RPA1: variants seen among roughly 807,000 people sequenced by gnomAD.
RPA1 encodes the protein replication protein A 70 kDa DNA-binding subunit.
In RPA1, 49 loss-of-function variants were observed where a neutral mutation model predicts 83.0. The observed-to-expected ratio is 0.59, with a 90% CI of 0.47 to 0.75. The LOEUF (loss-of-function observed/expected upper bound fraction) is 0.75. RPA1 is among the 30% of genes least tolerant of loss of function. RPA1 has a pLI of 0.00. For synonymous variants in RPA1, 279 were observed against 281.8 expected (o/e 0.99, Z 0.10); for missense variants, 693 against 776.1 (o/e 0.89, Z 1.27).
At chr17:1,890,382 G>A (rs1258903215) in intron 14 of RPA1, among the ~76,000 whole-genome samples, 1 of 150,282 alleles carries the variant, frequency 6.7e-6, no homozygotes, top group Non-Finnish European at 1.5e-5. Flanking sequence ...AAATAAATAG[G>A]CCGGGCACGG....
At chr17:1,896,115 G>A (rs1231700189) in intron 16 of RPA1, among the ~76,000 whole-genome samples, 1 of 152,182 alleles carries the variant, frequency 6.6e-6, no homozygotes, top group Non-Finnish European at 1.5e-5. Flanking sequence ...TTTTGCCACT[G>A]AAGGAATTAC....
intron 5 of RPA1, among the ~76,000 whole-genome samples, chr17:1,863,705 A>G (rs916289036): frequency 2.6e-5 from 4 of 152,218 alleles, no homozygotes; most frequent in Non-Finnish European, 5.9e-5. Flanking sequence ...TATGAAACAT[A>G]TCTTGCTTTA....
chr17:1,844,793 T>G, intron 4 of RPA1, 107 bp downstream of exon 4: 1 of 769,464 alleles, frequency 1.3e-6, no homozygotes, highest in Non-Finnish European at 2.1e-6. Flanking sequence ...AGCTTTTCAG[T>G]TAAGAACTCA....
rs373717208 is a variant in RPA1 at position 1,879,093 on chromosome 17, G to A, written c.759+32G>A. The A allele has an allele frequency of 5.6e-6, 9 of 1,613,042 alleles. No individual in the cohort carries two copies. The East Asian group carries it at 6.7e-5, about 12-fold the overall frequency. On this transcript the variant is annotated intron_variant, in intron 9 of 16. Coordinates refer to ENST00000254719, the MANE Select transcript of RPA1 (RefSeq NM_002945.5). Reference sequence around the variant, plus strand: ...CCGTGCTGACTTTAGAACTGACACCGCCTGGGGGTGGAGTGCGGATGAAAA... The same window carrying A: ...CCGTGCTGACTTTAGAACTGACACCACCTGGGGGTGGAGTGCGGATGAAAA...
intron 5 of RPA1, among the ~76,000 whole-genome samples, chr17:1,856,071 C>T (rs1912680534): frequency 6.6e-6 from 1 of 152,068 alleles, no homozygotes; most frequent in Admixed American, 6.6e-5. Context: ...CACTTGTAAT[C>T]CCAACACCTT....
intron 6 of RPA1, among the ~76,000 whole-genome samples, chr17:1,873,163 C>T (rs1037755673): frequency 6.6e-6 from 1 of 152,194 alleles, no homozygotes; most frequent in Non-Finnish European, 1.5e-5. Context: ...CTAAGTTTGG[C>T]TCATCTCTCT....
intron 4 of RPA1, among the ~76,000 whole-genome samples, chr17:1,851,239 A>G (rs1433362013): frequency 2.0e-5 from 3 of 150,546 alleles, no homozygotes; most frequent in Non-Finnish European, 4.4e-5. Flanking sequence ...TTGTATTTCC[A>G]TCTTGTTGTA....
intron 5 of RPA1, among the ~76,000 whole-genome samples, chr17:1,853,798 T>C (rs1318341741): frequency 6.6e-6 from 1 of 152,226 alleles, no homozygotes; most frequent in Non-Finnish European, 1.5e-5. Context: ...ATGAGAAACG[T>C]GTTTTCCTAA....
At chr17:1,842,644 A>G (rs1300464088) in intron 1 of RPA1, among the ~76,000 whole-genome samples, 159 bp from the exon 2 acceptor site, 1 of 152,140 alleles carries the variant, frequency 6.6e-6, no homozygotes, top group Non-Finnish European at 1.5e-5. Flanking sequence ...TCATTTTATG[A>G]TTTGTCCAGA....
At chr17:1,850,288 T>C (rs1054266345) in intron 4 of RPA1, among the ~76,000 whole-genome samples, 3 of 151,600 alleles carry the variant, frequency 2.0e-5, no homozygotes, top group Non-Finnish European at 1.5e-5. Context: ...TCCCAGCACC[T>C]TGGGAGGCCA....
chr17:1,886,361 A>G (rs1913990263), intron 13 of RPA1, among the ~76,000 whole-genome samples: 1 of 152,242 alleles, frequency 6.6e-6, no homozygotes, highest in Admixed American at 6.5e-5. Context: ...GATTTTTGAC[A>G]TGGTCAATGA....
At chr17:1,893,564 T>C (rs965344288) in intron 15 of RPA1, among the ~76,000 whole-genome samples, 1 of 152,108 alleles carries the variant, frequency 6.6e-6, no homozygotes, top group African/African-American at 2.4e-5. Context: ...TATTAATTAG[T>C]TTTTCTTTTT....
rs1913935266 is a variant in RPA1, at chr17:1,884,916, G to A, written c.1374+972G>A. Among the ~76,000 whole-genome samples, 1 of 152,234 alleles carries A rather than the reference G, an allele frequency of 6.6e-6. No individual in the cohort carries two copies. The highest frequency in any genetic ancestry group is 6.5e-5 in the Admixed American group (1 of 15,276). On this transcript the variant is annotated intron_variant, in intron 13 of 16. Transcript: ENST00000254719. This position sits in a 1 kb window ranked among gnomAD's most constrained non-coding sequence, Gnocchi z 4.1. ...TTCTTGCTGGTGGGGGTTTGTTTCA[G>A]GGTTGATGGCTGAGCAGTCACGGCG...
Position 1,897,076 on chromosome 17 carries a change from G to A in RPA1, c.1752G>A (p.Glu584=), listed in dbSNP as rs373856249. The change falls in exon 17 of 17, where the codon GAG becomes GAA. Residue 584 remains glutamate (E), a synonymous_variant. Transcript: ENST00000254719. ...CTACTTCTCCCTTTTTGAAGGACGA[G>A]TCTCGAATTAAGGCCACTGTGATGG... is the stretch of plus-strand genomic sequence containing the variant. The part of the protein sequence containing the change: ...VRVKVETYND[E]SRIKATVMDV... 4 of 1,569,314 alleles carry A rather than the reference G, an allele frequency of 2.5e-6. No individual in the cohort carries two copies. Among genetic ancestry groups the A allele is most frequent in the Non-Finnish European group, 3.5e-6 (4 of 1,156,766 alleles).
intron 5 of RPA1, among the ~76,000 whole-genome samples, chr17:1,870,124 C>A (rs547448711): frequency 6.6e-6 from 1 of 152,302 alleles, no homozygotes; most frequent in South Asian, 2.1e-4. Flanking sequence ...TCTAACCCAG[C>A]GTTCTCACCT....
At chr17:1,892,595 C>T (rs1914244893) in intron 15 of RPA1, among the ~76,000 whole-genome samples, 2 of 152,206 alleles carry the variant, frequency 1.3e-5, no homozygotes, top group African/African-American at 4.8e-5. Flanking sequence ...TGAATTATTA[C>T]AGGCATGCTT....
rs756325374 is a variant in RPA1, at chr17:1,891,935, G to A, written c.1654G>A (p.Asp552Asn). ...QNAAYLGELK[D>N]KNEQAFEEVF... is the part of the protein sequence containing the mutation. ...TGCTGCTTATCTTGGGGAATTAAAA[G>A]ACAAGGTCAGCCACATATTTTATTA... Residue 552 changes from aspartate to asparagine, a missense_variant, in exon 15 of 17, where the codon GAC becomes AAC. By Grantham distance (23) the Asp-to-Asn change is conservative. Coordinates refer to ENST00000254719, the MANE Select transcript of RPA1 (RefSeq NM_002945.5). 1 of 1,596,860 alleles carries A rather than the reference G, an allele frequency of 6.3e-7. No individual in the cohort carries two copies. The highest frequency in any genetic ancestry group is 2.2e-5 in the East Asian group (1 of 44,634).
chr17:1,874,542 T>C (rs996325008), intron 6 of RPA1, among the ~76,000 whole-genome samples: 5 of 152,184 alleles, frequency 3.3e-5, no homozygotes, highest in Admixed American at 2.6e-4. Context: ...CCCTAAACTA[T>C]GTAGTGAAAG....
At chr17:1,877,578 T>C (rs1282981475) in intron 8 of RPA1, among the ~76,000 whole-genome samples, 1 of 152,210 alleles carries the variant, frequency 6.6e-6, no homozygotes. Flanking sequence ...GTTAAGGTCA[T>C]AAATAAAATC....
Sources: allele counts gnomAD v4.1 joint callset (sites outside exome capture counted in the v4.1 genomes callset), GRCh38; gene constraint gnomAD v4.1.1; non-coding constraint Gnocchi (gnomAD v3.1); transcripts MANE v1.5; gene names NCBI Gene and HGNC (gene_info 2026-07-23, HGNC 2026-07-21).